Variants in EYA4 observed in about 807,000 individuals in gnomAD.
EYA4 encodes EYA transcriptional coactivator and phosphatase 4, also known as protein phosphatase EYA4.
Under a neutral mutation model 87.9 loss-of-function variants are expected in EYA4, and 31 were observed. The ratio of observed to expected loss-of-function variants is 0.35; its 90% CI spans 0.27 to 0.48. The LOEUF (loss-of-function observed/expected upper bound fraction) is 0.48. EYA4 is among the 20% of genes least tolerant of loss of function. EYA4 has a pLI of 0.99. For missense variants in EYA4, 678 were observed against 761.4 expected (o/e 0.89, Z 1.29); for synonymous variants, 263 against 270.6 (o/e 0.97, Z 0.28).
rs186697731 is a variant in EYA4, at chr6:133,511,297, G to A, written c.1282-1424G>A. 4.8e-4 allele frequency among the ~76,000 whole-genome samples: 73 copies of A among 151,900 alleles called. 1 individual carries two copies. Among genetic ancestry groups the A allele is most frequent in the Admixed American group, 1.8e-3 (28 of 15,256 alleles). On this transcript the variant is annotated intron_variant, in intron 14 of 19. Transcript: ENST00000355286. ...CTTTCAAAAAACCTTTGTTTAGTAT[G>A]GTGTATTTTCAAATTTAATGATTTT...
At chr6:133,270,477 C>G (rs971630233) in intron 1 of EYA4, among the ~76,000 whole-genome samples, 1 of 152,022 alleles carries the variant, frequency 6.6e-6, no homozygotes, top group African/African-American at 2.4e-5. Context: ...TATACATGCA[C>G]AAACATGTTT....
In EYA4 at chr6:133,453,863, G is replaced by C. The variant is rs12208803; in HGVS notation, c.278-2693G>C. 1.6e-3 allele frequency among the ~76,000 whole-genome samples: 236 copies of C among 152,134 alleles called. 1 individual carries two copies. Among genetic ancestry groups the C allele is most frequent in the Admixed American group, 5.1e-3 (78 of 15,264 alleles). Reference sequence around the variant, plus strand: ...ACTTTCCCAGGGATGGCTTTTCTCAGTAAAATGAACTTCCTTTGTCTATCT... The same window carrying C: ...ACTTTCCCAGGGATGGCTTTTCTCACTAAAATGAACTTCCTTTGTCTATCT... On this transcript the variant is annotated intron_variant, in intron 5 of 19. Coordinates refer to ENST00000355286, the MANE Select transcript of EYA4 (RefSeq NM_004100.5).
intron 2 of EYA4, among the ~76,000 whole-genome samples, chr6:133,367,320 A>G (rs1583076101): frequency 6.6e-6 from 1 of 152,212 alleles, no homozygotes; most frequent in Non-Finnish European, 1.5e-5. Flanking sequence ...TCCTTGTGCT[A>G]AGAGTTATGG....
intron 2 of EYA4, among the ~76,000 whole-genome samples, chr6:133,279,352 G>T (rs1351627285): frequency 6.6e-6 from 1 of 151,944 alleles, no homozygotes; most frequent in Non-Finnish European, 1.5e-5. Context: ...CACTTATATT[G>T]TTGGTGGCAT....
chr6:133,376,940 C>T (rs189349783), intron 2 of EYA4, among the ~76,000 whole-genome samples: 1 of 152,072 alleles, frequency 6.6e-6, no homozygotes, highest in Admixed American at 6.6e-5. Flanking sequence ...AGAGAAATGA[C>T]ATTTAAAAAT....
At chr6:133,353,017 C>G (rs1783753243) in intron 2 of EYA4, among the ~76,000 whole-genome samples, 1 of 152,048 alleles carries the variant, frequency 6.6e-6, no homozygotes, top group African/African-American at 2.4e-5. Flanking sequence ...GCTTATTATA[C>G]TTGAAAACAA....
At chr6:133,410,039 A>C (rs1789071031) in intron 3 of EYA4, among the ~76,000 whole-genome samples, 1 of 152,154 alleles carries the variant, frequency 6.6e-6, no homozygotes, top group South Asian at 2.1e-4. Context: ...GAAACACTTC[A>C]AATACGTCAG....
chr6:133,412,334 G>A (rs1230481412), intron 3 of EYA4, among the ~76,000 whole-genome samples: 3 of 152,126 alleles, frequency 2.0e-5, no homozygotes, highest in African/African-American at 4.8e-5. Flanking sequence ...ATGCAGTTTT[G>A]TGAATTTTCA....
intron 2 of EYA4, among the ~76,000 whole-genome samples, chr6:133,279,804 T>C (rs549521676): frequency 1.3e-5 from 2 of 152,302 alleles, no homozygotes; most frequent in African/African-American, 4.8e-5. Context: ...CTGTATCAGA[T>C]TTTTAACTAT....
Position 133,529,558 on chromosome 6 carries a change from T to C in EYA4, c.*753T>C, listed in dbSNP as rs1290019900. ...AAAAAAAAAACCTTTGTGATGATTCTTAACATGACCAAATTTAAAAGTCAA... is the reference window on the plus strand; with the variant it reads ...AAAAAAAAAACCTTTGTGATGATTCCTAACATGACCAAATTTAAAAGTCAA... On this transcript the variant is annotated 3_prime_UTR_variant, in exon 20 of 20. Coordinates refer to ENST00000355286, the MANE Select transcript of EYA4 (RefSeq NM_004100.5). 2 of 984,698 alleles carry C rather than the reference T, an allele frequency of 2.0e-6. No homozygotes were observed. The highest frequency in any genetic ancestry group is 2.4e-6 in the Non-Finnish European group (2 of 829,112). The allele number at this position is 984,698 out of a possible 1,614,324, so 61.0% of individuals were successfully genotyped here. A position where few individuals can be genotyped will look rare whatever the true frequency, so the allele number is the denominator to read the frequency against.
intron 3 of EYA4, among the ~76,000 whole-genome samples, chr6:133,413,931 CT>C (rs1434769289): frequency 2.0e-5 from 3 of 152,156 alleles, no homozygotes; most frequent in African/African-American, 7.2e-5. Flanking sequence ...GATGTCCATC[CT>C]GATTCTTTTT....
chr6:133,282,710 T>C (rs978211363), intron 2 of EYA4, among the ~76,000 whole-genome samples: 1 of 152,188 alleles, frequency 6.6e-6, no homozygotes, highest in Non-Finnish European at 1.5e-5. Flanking sequence ...TGTGATCAGC[T>C]GGTAACAGCT....
In EYA4 at chr6:133,513,024, A is replaced by G; in HGVS notation, c.1487A>G (p.Lys496Arg). ...GTAAAAGAATTATATAACACCTACAAGAACAACGTTGGAGGTATGTGTGGC... is the reference window on the plus strand; with the variant it reads ...GTAAAAGAATTATATAACACCTACAGGAACAACGTTGGAGGTATGTGTGGC... ...RRVKELYNTY[K>R]NNVGGLLGPA... The change falls in exon 16 of 20, where the codon AAG becomes AGG. Residue 496 changes from lysine to arginine, a missense_variant. By Grantham distance (26) the Lys-to-Arg change is conservative. Coordinates refer to ENST00000355286, the MANE Select transcript of EYA4 (RefSeq NM_004100.5). 1 of 1,614,116 alleles carries G rather than the reference A, an allele frequency of 6.2e-7. No homozygotes were observed. Among genetic ancestry groups the G allele is most frequent in the Non-Finnish European group, 8.5e-7 (1 of 1,179,978 alleles).
At chr6:133,254,184 C>T (rs1408183834) in intron 1 of EYA4, among the ~76,000 whole-genome samples, 4 of 152,234 alleles carry the variant, frequency 2.6e-5, no homozygotes, top group South Asian at 4.1e-4. Flanking sequence ...ACAGATTTCT[C>T]GTTGAGGTTT....
chr6:133,481,918 A>G (rs915587311), intron 12 of EYA4, among the ~76,000 whole-genome samples: 8 of 152,194 alleles, frequency 5.3e-5, no homozygotes, highest in African/African-American at 1.9e-4. Context: ...ATACTTTTCT[A>G]TGTAGCACTG....
intron 5 of EYA4, among the ~76,000 whole-genome samples, chr6:133,450,713 G>A (rs992483023): frequency 3.3e-5 from 5 of 152,198 alleles, no homozygotes; most frequent in Admixed American, 1.3e-4. Flanking sequence ...GTTTCACCAC[G>A]TTGGCCAGGC....
chr6:133,304,388 T>G (rs930167012), intron 2 of EYA4, among the ~76,000 whole-genome samples: 1 of 152,192 alleles, frequency 6.6e-6, no homozygotes, highest in Non-Finnish European at 1.5e-5. Context: ...CAGTCTTTTC[T>G]GTCTCTTGCA....
intron 13 of EYA4, chr6:133,502,471 C>G (rs1231242385): frequency 6.6e-6 from 1 of 152,178 alleles, no homozygotes; most frequent in Non-Finnish European, 1.5e-5. Context: ...GTTTCATTCT[C>G]ACATGCCTGA....
intron 2 of EYA4, among the ~76,000 whole-genome samples, chr6:133,336,974 C>T (rs766862073): frequency 3.3e-5 from 5 of 152,114 alleles, no homozygotes; most frequent in Non-Finnish European, 5.9e-5. Context: ...GTTTCTGGTC[C>T]TTGGCTAACT....
Sources: allele counts gnomAD v4.1 joint callset (sites outside exome capture counted in the v4.1 genomes callset), GRCh38; gene constraint gnomAD v4.1.1; transcripts MANE v1.5; gene names NCBI Gene and HGNC (gene_info 2026-07-23, HGNC 2026-07-21).